Variants in EVI5 observed in about 807,000 individuals in gnomAD.
EVI5 encodes the protein ecotropic viral integration site 5 protein homolog.
Under a neutral mutation model 112.0 loss-of-function variants are expected in EVI5, and 73 were observed. That is an observed-to-expected ratio of 0.65 (90% CI 0.54 to 0.79). The LOEUF (loss-of-function observed/expected upper bound fraction) is 0.79, where lower values mean the gene tolerates loss of function less well. Ranked by LOEUF, EVI5 falls within the 30% of genes least tolerant of loss-of-function variation. The probability of loss-of-function intolerance (pLI) is 0.00; values close to 1 mark genes in which losing one functional copy is unlikely to be tolerated. For synonymous variants in EVI5, 305 were observed against 319.9 expected (o/e 0.95, Z 0.50); for missense variants, 900 against 968.8 (o/e 0.93, Z 0.94).
intron 19 of EVI5, among the ~76,000 whole-genome samples, chr1:92,519,545 G>C (rs1571277396): frequency 6.6e-6 from 1 of 152,074 alleles, no homozygotes; most frequent in East Asian, 1.9e-4. Flanking sequence ...CCATACAACT[G>C]ATGCTATTTG....
intron 2 of EVI5, among the ~76,000 whole-genome samples, chr1:92,725,588 T>C (rs925502388): frequency 3.9e-5 from 6 of 152,062 alleles, no homozygotes; most frequent in East Asian, 1.9e-4. Flanking sequence ...CAGGGCATGA[T>C]GGCACACACC....
intron 19 of EVI5, among the ~76,000 whole-genome samples, chr1:92,560,873 CTT>C (rs11370771): frequency 1.4e-5 from 2 of 146,692 alleles, no homozygotes; most frequent in Non-Finnish European, 1.5e-5. Flanking sequence ...CCTACAAAAG[CTT>C]TTTTTTTTTT....
intron 19 of EVI5, among the ~76,000 whole-genome samples, chr1:92,563,160 T>C (rs548499146): frequency 6.6e-6 from 1 of 152,256 alleles, no homozygotes; most frequent in East Asian, 1.9e-4. Flanking sequence ...TTAAAAAGCA[T>C]TCAGATACTA....
At chr1:92,525,121 G>A (rs1034246429) in intron 19 of EVI5, among the ~76,000 whole-genome samples, 5 of 151,818 alleles carry the variant, frequency 3.3e-5, no homozygotes, top group Admixed American at 6.6e-5. Flanking sequence ...AATCACTGGC[G>A]CCCAGCCAGA....
At chr1:92,715,055 G>C (rs1673406225) in intron 2 of EVI5, among the ~76,000 whole-genome samples, 1 of 151,732 alleles carries the variant, frequency 6.6e-6, no homozygotes, top group African/African-American at 2.4e-5. Context: ...ACCCACGATG[G>C]AGTGCAGTGG....
intron 9 of EVI5, among the ~76,000 whole-genome samples, chr1:92,690,896 T>C (rs1461931923): frequency 6.6e-6 from 1 of 152,224 alleles, no homozygotes; most frequent in Non-Finnish European, 1.5e-5. Context: ...ACCTATTAAG[T>C]ATTCTTGTCA....
chr1:92,650,430 T>C (rs533708229), intron 13 of EVI5, among the ~76,000 whole-genome samples: 1 of 150,422 alleles, frequency 6.6e-6, no homozygotes, highest in African/African-American at 2.4e-5. Flanking sequence ...TTTATTCTTA[T>C]GCATTTTATT....
intron 18 of EVI5, among the ~76,000 whole-genome samples, chr1:92,578,592 C>A (rs1303157316): frequency 1.3e-5 from 2 of 151,956 alleles, no homozygotes; most frequent in Non-Finnish European, 2.9e-5. Flanking sequence ...GTGGCGGGTG[C>A]CTGTAGTCCC....
At chr1:92,679,648 A>G (rs1667285212) in intron 9 of EVI5, among the ~76,000 whole-genome samples, 1 of 152,244 alleles carries the variant, frequency 6.6e-6, no homozygotes, top group Non-Finnish European at 1.5e-5. Context: ...GTACATTGTT[A>G]TAATTAATGA....
chr1:92,770,813 A>T (rs576799285), intron 1 of EVI5, among the ~76,000 whole-genome samples: 12 of 151,878 alleles, frequency 7.9e-5, no homozygotes, highest in Non-Finnish European at 1.8e-4. Context: ...AGAAACCTCC[A>T]AAAGTCTGGG....
At chr1:92,785,507 C>T (rs1049348420), upstream of EVI5, among the ~76,000 whole-genome samples, 1 of 152,218 alleles carries the variant, frequency 6.6e-6, no homozygotes, top group African/African-American at 2.4e-5. Flanking sequence ...CAGAGGTGGC[C>T]TTAGGGCACT....
intron 1 of EVI5, among the ~76,000 whole-genome samples, chr1:92,770,967 C>T (rs545465731): frequency 8.6e-5 from 13 of 151,502 alleles, no homozygotes; most frequent in Non-Finnish European, 1.3e-4. Flanking sequence ...AGGCACCTGA[C>T]ACCACTCCCG....
chr1:92,534,692 T>C (rs183361507), intron 19 of EVI5, among the ~76,000 whole-genome samples: 1 of 152,112 alleles, frequency 6.6e-6, no homozygotes, highest in African/African-American at 2.4e-5. Flanking sequence ...AGATTCCCTA[T>C]TTAATAAATG....
chr1:92,598,269 G>A (rs1170653742), intron 18 of EVI5, among the ~76,000 whole-genome samples: 2 of 152,154 alleles, frequency 1.3e-5, no homozygotes, highest in East Asian at 3.8e-4. Flanking sequence ...GGAGGAGGGA[G>A]TGGAGCAGAA....
chr1:92,634,677 C>T (rs139126446), intron 14 of EVI5, among the ~76,000 whole-genome samples: 485 of 152,198 alleles, frequency 3.2e-3, no homozygotes, highest in African/African-American at 0.011. Flanking sequence ...CTTCTCTCAA[C>T]TCGTCAAAGT....
At chr1:92,639,743 T>C (rs150511871) in intron 13 of EVI5, among the ~76,000 whole-genome samples, 11,147 of 152,190 alleles carry the variant, frequency 0.073, 1,128 homozygotes, top group African/African-American at 0.23. Context: ...CCATTGACAT[T>C]CTTCACAGAA....
intron 1 of EVI5, among the ~76,000 whole-genome samples, chr1:92,771,858 T>C (rs919192347): frequency 2.0e-5 from 3 of 151,856 alleles, no homozygotes; most frequent in African/African-American, 4.8e-5. Flanking sequence ...GAATACTCTT[T>C]TTATTATTTT....
At chr1:92,613,975 AAGAC>A (rs1332805637) in intron 16 of EVI5, among the ~76,000 whole-genome samples, 1 of 152,212 alleles carries the variant, frequency 6.6e-6, no homozygotes. Context: ...AATACTGCTG[AAGAC>A]AGACCCTTTT....
intron 1 of EVI5, among the ~76,000 whole-genome samples, chr1:92,743,542 T>C (rs1478463157): frequency 6.6e-6 from 1 of 151,976 alleles, no homozygotes. Context: ...GAGTTATTGA[T>C]TAGTGGCCAC....
Sources: gnomAD v4.1 joint callset for allele counts (sites outside exome capture counted in the v4.1 genomes callset) on GRCh38, gnomAD v4.1.1 for gene constraint, MANE v1.5 for transcripts, NCBI Gene and HGNC (gene_info 2026-07-23, HGNC 2026-07-21) for gene names.